Variants in PPP6R1 observed in about 807,000 individuals in gnomAD.
The protein encoded by PPP6R1 is protein phosphatase 6 regulatory subunit 1.
Under a neutral mutation model 104.6 loss-of-function variants are expected in PPP6R1, and 39 were observed. The observed-to-expected ratio is 0.37, with a 90% confidence interval of 0.29 to 0.49. The LOEUF (loss-of-function observed/expected upper bound fraction) is 0.49, where lower values mean the gene tolerates loss of function less well. Ranked by LOEUF, PPP6R1 falls within the 20% of genes least tolerant of loss-of-function variation. PPP6R1 has a pLI of 0.98. For missense variants in PPP6R1, 1,181 were observed against 1,155.8 expected (o/e 1.02, Z -0.32); for synonymous variants, 549 against 479.0 (o/e 1.15, Z -1.91).
At chr19:55,253,597 C>G (rs185908373) in intron 1 of PPP6R1, among the ~76,000 whole-genome samples, 144 of 152,326 alleles carry the variant, frequency 9.5e-4, no homozygotes, top group African/African-American at 3.4e-3. Flanking sequence ...AGTGGCTCCT[C>G]TGAAAATCAG....
At position 55,231,682 on chromosome 19, in the gene PPP6R1, G is replaced by C. The variant is rs1434151896; in HGVS notation, c.2307-14C>G. 3 of 1,590,666 alleles carry C rather than the reference G, an allele frequency of 1.9e-6. No homozygotes were observed. Among genetic ancestry groups the C allele is most frequent in the Admixed American group, 1.7e-5 (1 of 57,174 alleles). On this transcript the variant is annotated splice_polypyrimidine_tract_variant and intron_variant, in intron 19 of 23. Coordinates refer to ENST00000412770, the MANE Select transcript of PPP6R1 (RefSeq NM_014931.4). ...GGGTCCTGAGACCTGGTAGGCGAGAGAGGCAGCCCAAGGGGGCAGCTAGGG... is the reference window on the plus strand; with the variant it reads ...GGGTCCTGAGACCTGGTAGGCGAGACAGGCAGCCCAAGGGGGCAGCTAGGG...
Position 55,240,052 on chromosome 19 carries a change from A to C in PPP6R1, c.1424T>G (p.Val475Gly), listed in dbSNP as rs1600108421. The C allele has an allele frequency of 6.2e-7, 1 of 1,602,330 alleles. No individual in the cohort carries two copies. The highest frequency in any genetic ancestry group is 8.5e-7 in the Non-Finnish European group (1 of 1,176,108). The change falls in exon 12 of 24, where the codon GTG (valine) becomes GGG (glycine). Residue 475 changes from valine to glycine, a missense_variant. Around this residue, in one of 2 missense-constraint regions of PPP6R1, gnomAD observed 1,042 missense variants for 955.6 expected, o/e 1.09. Transcript: ENST00000412770. Reference protein sequence around the residue: ...GHLTRVAGALVQNTEKGPNAE... With the variant: ...GHLTRVAGALGQNTEKGPNAE... Reference sequence around the variant, plus strand: ...ATTGGGCCCCTTCTCCGTGTTCTGCACCAGGGCACCGGCCACTCTTGTCAG... The same window carrying C: ...ATTGGGCCCCTTCTCCGTGTTCTGCCCCAGGGCACCGGCCACTCTTGTCAG...
chr19:55,241,125 C>CGAGCCCCCAACCCCT lies in PPP6R1; in HGVS notation c.1162-61_1162-47dup. On this transcript the variant is annotated intron_variant, in intron 9 of 23. Transcript: ENST00000412770. This position sits in a 1 kb window ranked among gnomAD's most constrained non-coding sequence, Gnocchi z 5.4. Reference sequence around the variant, plus strand: ...GGTACCAGAGAGGCCCCGCCCCAGCCGAGCCCCCAACCCCTGAGCCCCCAG... The same window carrying CGAGCCCCCAACCCCT: ...GGTACCAGAGAGGCCCCGCCCCAGCCGAGCCCCCAACCCCTGAGCCCCCAACCCCTGAGCCCCCAG... 6.5e-7 allele frequency: 1 copy of CGAGCCCCCAACCCCT among 1,528,794 alleles called. No individual in the cohort carries two copies. Among genetic ancestry groups the CGAGCCCCCAACCCCT allele is most frequent in the South Asian group, 1.2e-5 (1 of 82,788 alleles). 94.7% of individuals were successfully genotyped at this position (1,528,794 alleles called of 1,614,324 possible).
chr19:55,256,291 G>A (rs1006291270), intron 1 of PPP6R1, among the ~76,000 whole-genome samples: 2 of 152,206 alleles, frequency 1.3e-5, no homozygotes, highest in African/African-American at 4.8e-5. Context: ...CCTCCTCTGC[G>A]CTGCTAACAT....
At chr19:55,233,425 T>C (rs1375756784) in intron 17 of PPP6R1, among the ~76,000 whole-genome samples, 1 of 152,134 alleles carries the variant, frequency 6.6e-6, no homozygotes, top group African/African-American at 2.4e-5. Context: ...CCACTTCTGT[T>C]CAACATTGTC....
At position 55,230,842 on chromosome 19, in the gene PPP6R1, G is replaced by A; in HGVS notation, c.2502C>T (p.Ala834=). The A allele has an allele frequency of 1.2e-6, 2 of 1,607,236 alleles. No individual in the cohort carries two copies. The highest frequency in any genetic ancestry group is 1.7e-6 in the Non-Finnish European group (2 of 1,179,628). The change falls in exon 22 of 24, where the codon GCC becomes GCT. Residue 834 remains alanine, a synonymous_variant. Coordinates refer to ENST00000412770, the MANE Select transcript of PPP6R1 (RefSeq NM_014931.4). ...CTTCTGTGGTCTGGGGGGGCTGGTG[G>A]GCCCCGGAGGCTGGGACAGAGGTAG... ...DPSTSVPASG[A]HQPPQTTEGE... is the part of the protein sequence containing the mutation.
intron 23 of PPP6R1, 27 bp downstream of exon 23, chr19:55,230,586 C>G (rs778759597): frequency 3.0e-5 from 48 of 1,612,958 alleles, no homozygotes; most frequent in Non-Finnish European, 3.7e-5. Context: ...CCCCACCTAC[C>G]CAGCCCGAGG....
In PPP6R1 at chr19:55,239,828, G is replaced by A. The variant is rs757011120; in HGVS notation, c.1561C>T (p.Leu521=). ...AETNKKNMVD[L]VNTHHLHSSS... is the part of the protein sequence containing the mutation. ...CAGGAAGAGAAGCTGGGCCTCACCA[G>A]GTCCACCATGTTCTTCTTGTTGGTC... Residue 521 remains leucine (L), a splice_region_variant and synonymous_variant, in exon 13 of 24, where the codon CTG becomes TTG. Transcript: ENST00000412770. 1.4e-5 allele frequency: 23 copies of A among 1,613,678 alleles called. No individual in the cohort carries two copies. The Admixed American group carries it at 3.0e-4, about 21-fold the overall frequency.
In PPP6R1 at chr19:55,239,412, TCTC is replaced by T; in HGVS notation, c.1741_1743del (p.Glu581del). The T allele has an allele frequency of 6.2e-7, 1 of 1,613,158 alleles. No homozygotes were observed. The highest frequency in any genetic ancestry group is 8.5e-7 in the Non-Finnish European group (1 of 1,179,344). ...TGCGCAGGAGACACTCACTTCACAC[TCTC>T]CTCCTGCTCCCCAAACTCCTCATCA... On this transcript the variant is annotated inframe_deletion, in exon 15 of 24. Transcript: ENST00000412770.
Position 55,231,851 on chromosome 19 carries a change from G to C in PPP6R1, c.2257C>G (p.Pro753Ala). ...GGAGGGCTGGCCAGGCTCTGAGTGG[G>C]GAGGCCCTGGGGCACACTGAGGGGC... ...QGPLSVPQGL[P>A]TQSLASPPAR... is the part of the protein sequence containing the mutation. Residue 753 changes from proline (P) to alanine (A), a missense_variant, in exon 19 of 24, where the codon CCC becomes GCC. Coordinates refer to ENST00000412770, the MANE Select transcript of PPP6R1 (RefSeq NM_014931.4). 1 of 1,502,594 alleles carries C rather than the reference G, an allele frequency of 6.7e-7. No individual in the cohort carries two copies. The highest frequency in any genetic ancestry group is 8.9e-7 in the Non-Finnish European group (1 of 1,126,712). 93.1% of individuals were successfully genotyped at this position (1,502,594 alleles called of 1,614,324 possible). A position where few individuals can be genotyped will look rare whatever the true frequency, so the allele number is the denominator to read the frequency against.
intron 1 of PPP6R1, among the ~76,000 whole-genome samples, chr19:55,255,933 T>A (rs1449170062): frequency 6.6e-6 from 1 of 152,228 alleles, no homozygotes; most frequent in Non-Finnish European, 1.5e-5. Flanking sequence ...AGGATGTACC[T>A]GTTCAGTCAT....
At position 55,230,638 on chromosome 19, in the gene PPP6R1, C is replaced by T. The variant is rs370792316; in HGVS notation, c.2617G>A (p.Glu873Lys). The T allele has an allele frequency of 3.7e-6, 6 of 1,610,712 alleles. No individual in the cohort carries two copies. In the African/African-American group the frequency reaches 6.7e-5, roughly 18 times the overall value. The part of the protein sequence containing the change: ...PPPIPNGSAP[E>K]GPASPGSQ ...TGGGAGCCTGGGGATGCAGGCCCTT[C>T]CGGGGCAGAGCCATTGGGTATCGGA... The change falls in exon 23 of 24, where the codon GAA becomes AAA. Residue 873 changes from glutamate to lysine, a missense_variant. By Grantham distance (56) the Glu-to-Lys change is moderately conservative. Around this residue, in one of 2 missense-constraint regions of PPP6R1, gnomAD observed 1,042 missense variants for 955.6 expected, o/e 1.09. Coordinates refer to ENST00000412770, the MANE Select transcript of PPP6R1 (RefSeq NM_014931.4).
chr19:55,231,955 G>A lies in PPP6R1; in HGVS notation c.2153C>T (p.Pro718Leu). 6.3e-7 allele frequency: 1 copy of A among 1,593,676 alleles called. No individual in the cohort carries two copies. The highest frequency in any genetic ancestry group is 1.1e-5 in the South Asian group (1 of 89,212). ...PGPSWTATFDPVPTDAPTSPR... is the reference protein window; with the variant it reads ...PGPSWTATFDLVPTDAPTSPR... The stretch of plus-strand genomic sequence containing the variant: ...GCTGGTCGGGGCATCTGTAGGCACT[G>A]GGTCAAAGGTGGCTGTCCAGCTGGG... Residue 718 changes from proline (P) to leucine (L), a missense_variant, in exon 19 of 24, where the codon CCA (proline) becomes CTA (leucine). This residue lies in a region of PPP6R1 where 1,042 missense variants were observed against 955.6 expected (regional missense o/e 1.09). Transcript: ENST00000412770.
chr19:55,233,239 A>G (rs556431368), intron 17 of PPP6R1: 6 of 152,358 alleles, frequency 3.9e-5, no homozygotes, highest in Admixed American at 1.3e-4. Context: ...GGAAAGTAAT[A>G]TATCTGTATA....
At chr19:55,244,796 G>C (rs544104292) in intron 5 of PPP6R1, among the ~76,000 whole-genome samples, 1 of 151,486 alleles carries the variant, frequency 6.6e-6, no homozygotes, top group Non-Finnish European at 1.5e-5. Flanking sequence ...CCAGGCTGGA[G>C]TGCAGTGGTG....
In PPP6R1 at chr19:55,240,711, G is replaced by T. The variant is rs566472995; in HGVS notation, c.1296+234C>A. Among the ~76,000 whole-genome samples, 5 of 152,240 alleles carry T rather than the reference G, an allele frequency of 3.3e-5. No individual in the cohort carries two copies. In the South Asian group the frequency reaches 1.0e-3, roughly 32 times the overall value. On this transcript the variant is annotated intron_variant, in intron 10 of 23. Transcript: ENST00000412770. ...TGCACACTCAGCTGCTCGCAGGTCT[G>T]CTCCCGCCCACCCCTAGCTCTTCAG... is the stretch of plus-strand genomic sequence containing the variant.
intron 17 of PPP6R1, chr19:55,232,553 A>T (rs2087359451): frequency 6.8e-6 from 2 of 294,366 alleles, no homozygotes; most frequent in Non-Finnish European, 1.3e-5. Context: ...GCCACCTCCC[A>T]GCCGTCACCT....
chr19:55,236,656 G>A lies in PPP6R1; in HGVS notation c.1975C>T (p.Pro659Ser), dbSNP rs1468271561. The stretch of plus-strand genomic sequence containing the variant: ...AGGGGGACTCACCGGACACCAGGTG[G>A]CTGGCCCAGACGGGCCCCCCTGGCC... ...QLARGARLGQ[P>S]PGVRSGGSTD... Residue 659 changes from proline to serine, a missense_variant, in exon 17 of 24, where the codon CCA becomes TCA. Coordinates refer to ENST00000412770, the MANE Select transcript of PPP6R1 (RefSeq NM_014931.4). 1.3e-6 allele frequency: 2 copies of A among 1,568,204 alleles called. No individual in the cohort carries two copies. The highest frequency in any genetic ancestry group is 1.4e-5 in the African/African-American group (1 of 73,616).
intron 17 of PPP6R1, among the ~76,000 whole-genome samples, chr19:55,233,609 G>T (rs926097847): frequency 1.3e-5 from 2 of 152,140 alleles, no homozygotes; most frequent in Non-Finnish European, 2.9e-5. Context: ...CAGGATGAAA[G>T]ATCAACATAC....
Sources: allele counts gnomAD v4.1 joint callset (sites outside exome capture counted in the v4.1 genomes callset), GRCh38; gene constraint gnomAD v4.1.1; regional missense constraint gnomAD v4.1.1; non-coding constraint Gnocchi (gnomAD v3.1); transcripts MANE v1.5; gene names NCBI Gene and HGNC (gene_info 2026-07-23, HGNC 2026-07-21).